The following ARHGEF3 variants were observed in gnomAD, a reference collection of about 807,000 sequenced individuals.
ARHGEF3 encodes the protein 59.8 kDA protein.
In ARHGEF3, 28 loss-of-function variants were observed where a neutral mutation model predicts 63.2. The ratio of observed to expected loss-of-function variants is 0.44; its 90% CI spans 0.33 to 0.61. The LOEUF is 0.61. ARHGEF3 is among the 20% of genes least tolerant of loss of function. The pLI is 0.03. For missense variants in ARHGEF3, 533 were observed against 659.3 expected (o/e 0.81, Z 2.10); for synonymous variants, 266 against 254.2 (o/e 1.05, Z -0.44).
intron 1 of ARHGEF3, among the ~76,000 whole-genome samples, chr3:56,798,058 T>C (rs989127144): frequency 6.6e-6 from 1 of 152,184 alleles, no homozygotes; most frequent in African/African-American, 2.4e-5. Context: ...ATGTTAACCT[T>C]ATTACAAGTG....
chr3:56,874,525 T>C (rs1024654587), intron 4 of ARHGEF3, among the ~76,000 whole-genome samples: 1 of 152,206 alleles, frequency 6.6e-6, no homozygotes, highest in African/African-American at 2.4e-5. Flanking sequence ...TGGTTTAACA[T>C]ATCCTGGCAA....
chr3:56,989,242 A>G (rs1560110841), intron 2 of ARHGEF3, among the ~76,000 whole-genome samples: 1 of 152,186 alleles, frequency 6.6e-6, no homozygotes, highest in Non-Finnish European at 1.5e-5. Context: ...AGGATAAGAG[A>G]TGAAAGAAAG....
Position 56,728,561 on chromosome 3 carries a change from T to C in ARHGEF3, c.*709A>G, listed in dbSNP as rs538299403. 6.5e-6 allele frequency: 1 copy of C among 152,806 alleles called. No homozygotes were observed. Among genetic ancestry groups the C allele is most frequent in the East Asian group, 1.9e-4 (1 of 5,188 alleles). The allele number at this position is 152,806 out of a possible 1,614,324, so 9.5% of individuals were successfully genotyped here. On this transcript the variant is annotated 3_prime_UTR_variant, in exon 10 of 10. Transcript: ENST00000296315. ...CTATGAGAGACACCTCCTGGTGCCA[T>C]GTGCATTTCAGTTAAAGATTCAGAG...
At chr3:56,735,543 C>A (rs576607566) in intron 8 of ARHGEF3, among the ~76,000 whole-genome samples, 85 of 152,284 alleles carry the variant, frequency 5.6e-4, no homozygotes, top group South Asian at 3.7e-3. Context: ...GCACATCTAA[C>A]CAAAAAGTTC....
chr3:56,977,342 C>G (rs1701165242), intron 2 of ARHGEF3: 1 of 456,306 alleles, frequency 2.2e-6, no homozygotes, highest in Non-Finnish European at 4.4e-6. Context: ...CTCTTGGGCC[C>G]CTCACTAACT....
chr3:57,071,972 A>G (rs1705931408), intron 1 of ARHGEF3, among the ~76,000 whole-genome samples: 1 of 152,336 alleles, frequency 6.6e-6, no homozygotes, highest in African/African-American at 2.4e-5. Flanking sequence ...CCAAATATAC[A>G]TTTCTCCAAA....
chr3:56,946,416 T>C (rs1210832824), intron 3 of ARHGEF3, among the ~76,000 whole-genome samples: 2 of 151,776 alleles, frequency 1.3e-5, no homozygotes, highest in Non-Finnish European at 1.5e-5. Flanking sequence ...GAATAACCAA[T>C]GCAGAGAAGT....
intron 1 of ARHGEF3, among the ~76,000 whole-genome samples, chr3:56,783,317 T>G (rs2036646845): frequency 6.6e-6 from 1 of 152,180 alleles, no homozygotes. Flanking sequence ...CTCTAGTGTT[T>G]GTAATAAACT....
At chr3:57,069,685 G>C (rs1331468171) in intron 1 of ARHGEF3, among the ~76,000 whole-genome samples, 1 of 151,778 alleles carries the variant, frequency 6.6e-6, no homozygotes, top group Non-Finnish European at 1.5e-5. Flanking sequence ...TTGCTCTGTC[G>C]CCAAGCTGGA....
chr3:56,823,157 A>T (rs969593334), intron 4 of ARHGEF3, among the ~76,000 whole-genome samples: 5 of 152,354 alleles, frequency 3.3e-5, no homozygotes, highest in African/African-American at 1.2e-4. Flanking sequence ...GGAAGCAATC[A>T]TTATTATCCT....
intron 3 of ARHGEF3, among the ~76,000 whole-genome samples, chr3:56,931,720 A>G (rs1001314327): frequency 6.6e-6 from 1 of 152,126 alleles, no homozygotes; most frequent in Non-Finnish European, 1.5e-5. Context: ...TGATTTTTCC[A>G]AAGTGATATT....
At chr3:56,894,129 A>T (rs901624707) in intron 3 of ARHGEF3, among the ~76,000 whole-genome samples, 14 of 152,136 alleles carry the variant, frequency 9.2e-5, no homozygotes, top group African/African-American at 3.4e-4. Context: ...ATCAGCTTTC[A>T]ATCTATGAGG....
At position 57,073,551 on chromosome 3, in the gene ARHGEF3, T is replaced by C. The variant is rs374440726; in HGVS notation, c.-28+5675A>G. 2.4e-4 allele frequency: 323 copies of C among 1,352,534 alleles called. 1 individual carries two copies. The African/African-American group carries it at 3.5e-3, about 15-fold the overall frequency. 83.8% of individuals were successfully genotyped at this position (1,352,534 alleles called of 1,614,324 possible). On this transcript the variant is annotated intron_variant, in intron 1 of 12. Transcript: ENST00000338458. ...GCTCTGTTTGAGCACCCCGGGATGATTGGTGGTGGGGTGTGGCTGAAGGTG... is the reference window on the plus strand; with the variant it reads ...GCTCTGTTTGAGCACCCCGGGATGACTGGTGGTGGGGTGTGGCTGAAGGTG...
chr3:56,770,673 T>TA (rs2107829114), intron 2 of ARHGEF3, among the ~76,000 whole-genome samples: 1 of 152,212 alleles, frequency 6.6e-6, no homozygotes, highest in East Asian at 1.9e-4. Flanking sequence ...TTGAGGGGTG[T>TA]ATTTCCATTC....
intron 3 of ARHGEF3, among the ~76,000 whole-genome samples, chr3:56,957,227 A>G (rs1390015623): frequency 1.3e-5 from 2 of 152,242 alleles, no homozygotes; most frequent in African/African-American, 4.8e-5. Context: ...TGTACTCAAT[A>G]AAAAGCATAT....
At chr3:57,062,729 GCACA>G (rs939755095) in intron 1 of ARHGEF3, among the ~76,000 whole-genome samples, 22 of 151,860 alleles carry the variant, frequency 1.4e-4, no homozygotes, top group Admixed American at 4.6e-4. Flanking sequence ...CAACAAACAT[GCACA>G]CACACATACA....
Position 56,773,699 on chromosome 3 carries a change from C to T in ARHGEF3, c.204+10G>A, listed in dbSNP as rs1196570008. On this transcript the variant is annotated intron_variant, in intron 2 of 9. Coordinates refer to ENST00000296315, the MANE Select transcript of ARHGEF3 (RefSeq NM_019555.3). The stretch of plus-strand genomic sequence containing the variant: ...TTTCTGCAACCACAGGCCCTGTGTG[C>T]CCTTCTTACCTGCAGGGTTTGACTG... 1.3e-6 allele frequency: 2 copies of T among 1,565,306 alleles called. No individual in the cohort carries two copies. Among genetic ancestry groups the T allele is most frequent in the Non-Finnish European group, 1.7e-6 (2 of 1,161,978 alleles).
At chr3:56,813,825 A>T (rs917894630) in intron 4 of ARHGEF3, among the ~76,000 whole-genome samples, 1 of 152,070 alleles carries the variant, frequency 6.6e-6, no homozygotes. Context: ...ATGGGCCCCA[A>T]ACACCACATC....
At position 56,968,162 on chromosome 3, in the gene ARHGEF3, A is replaced by T. The variant is rs1232393048; in HGVS notation, c.63-9273T>A. On this transcript the variant is annotated intron_variant, in intron 2 of 12. Transcript: ENST00000338458. ...ATATATAATATATATAAAAATATAT[A>T]TTATATAATATATATAAAAATATAT... is the stretch of plus-strand genomic sequence containing the variant. 9.8e-4 allele frequency among the ~76,000 whole-genome samples: 25 copies of T among 25,630 alleles called. 2 individuals are homozygous for T. The South Asian group carries it at 0.032, about 32-fold the overall frequency. The allele number at this position is 25,630 out of a possible 152,430, so 16.8% of individuals were successfully genotyped here.
Sources: gnomAD v4.1 joint callset for allele counts (sites outside exome capture counted in the v4.1 genomes callset) on GRCh38, gnomAD v4.1.1 for gene constraint, MANE v1.5 for transcripts, NCBI Gene and HGNC (gene_info 2026-07-23, HGNC 2026-07-21) for gene names.